ANKMY2: variants seen among roughly 807,000 people sequenced by gnomAD.
ANKMY2 encodes the protein ankyrin repeat and MYND domain containing 2.
ANKMY2 carries 36 observed loss-of-function variants against 50.4 expected under a neutral mutation model. The ratio of observed to expected loss-of-function variants is 0.71; its 90% CI spans 0.55 to 0.94. ANKMY2 has a LOEUF of 0.94. ANKMY2 is among the 40% of genes least tolerant of loss of function. ANKMY2 has a pLI of 0.00. For synonymous variants in ANKMY2, 187 were observed against 178.8 expected, an observed-to-expected ratio of 1.05 and a Z score of -0.36; for missense variants, 565 against 524.0, an observed-to-expected ratio of 1.08 and a Z score of -0.76.
intron 9 of ANKMY2, 103 bp from the exon 10 acceptor site, chr7:16,601,048 A>G (rs1781053081): frequency 3.5e-6 from 3 of 869,388 alleles, no homozygotes; most frequent in African/African-American, 3.5e-5. Flanking sequence ...TACATGAGGT[A>G]TATTAGTATC....
intron 2 of ANKMY2, among the ~76,000 whole-genome samples, chr7:16,628,161 G>T (rs1386089825): frequency 6.6e-6 from 1 of 152,160 alleles, no homozygotes; most frequent in Non-Finnish European, 1.5e-5. Flanking sequence ...TAGGCGAAAC[G>T]CTGTAAGTAC....
chr7:16,645,290 G>GT (rs1270380380), intron 1 of ANKMY2, among the ~76,000 whole-genome samples: 4 of 152,180 alleles, frequency 2.6e-5, no homozygotes, highest in African/African-American at 7.2e-5. Flanking sequence ...CCGAGCCTCT[G>GT]TAACTACCCC....
chr7:16,621,230 C>T (rs1781430827), intron 4 of ANKMY2, among the ~76,000 whole-genome samples: 1 of 152,008 alleles, frequency 6.6e-6, no homozygotes, highest in Non-Finnish European at 1.5e-5. Context: ...ACAGTAACCA[C>T]AAATTACTAA....
chr7:16,640,459 A>G (rs1046705382), intron 1 of ANKMY2, among the ~76,000 whole-genome samples: 3 of 152,240 alleles, frequency 2.0e-5, no homozygotes, highest in Non-Finnish European at 2.9e-5. Context: ...TTCTGTTTTC[A>G]GCAATTCATC....
At chr7:16,636,536 TAAG>T in intron 1 of ANKMY2, 81 bp from the exon 2 acceptor site, 1 of 1,111,008 alleles carries the variant, frequency 9.0e-7, no homozygotes, top group East Asian at 2.6e-5. Context: ...AAATAAACCT[TAAG>T]GAGTTATCTG....
At chr7:16,626,199 C>T (rs780500548) in intron 3 of ANKMY2, among the ~76,000 whole-genome samples, 1 of 151,894 alleles carries the variant, frequency 6.6e-6, no homozygotes, top group African/African-American at 2.4e-5. Flanking sequence ...TAGGATGGTC[C>T]GAACTCCTGG....
At chr7:16,629,837 T>C (rs1426700342) in intron 2 of ANKMY2, among the ~76,000 whole-genome samples, 1 of 152,192 alleles carries the variant, frequency 6.6e-6, no homozygotes, top group Non-Finnish European at 1.5e-5. Flanking sequence ...TGCATTATCT[T>C]GGTTCTAGTA....
At chr7:16,622,861 CAT>C (rs879407416) in intron 4 of ANKMY2, among the ~76,000 whole-genome samples, 57 of 152,138 alleles carry the variant, frequency 3.7e-4, no homozygotes, top group African/African-American at 1.2e-3. Flanking sequence ...AAAGTTCTAA[CAT>C]GTAAAAAATA....
In ANKMY2 at chr7:16,642,162, G is replaced by C. The variant is rs117287516; in HGVS notation, c.67+3345C>G. 1.9e-3 allele frequency among the ~76,000 whole-genome samples: 289 copies of C among 151,222 alleles called. 1 individual carries two copies. Among genetic ancestry groups the C allele is most frequent in the Middle Eastern group, 0.014 (4 of 288 alleles). ...GTATAATACTTTCTTGTTAGCAACA[G>C]TAAGCCCAGGAATTTCAGGTACTAA... On this transcript the variant is annotated intron_variant, in intron 1 of 9. Coordinates refer to ENST00000306999, the MANE Select transcript of ANKMY2 (RefSeq NM_020319.3).
Position 16,607,361 on chromosome 7 carries a change from T to C in ANKMY2, c.882+2269A>G, listed in dbSNP as rs1781177427. Among the ~76,000 whole-genome samples the C allele has an allele frequency of 3.3e-5, 5 of 151,174 alleles. No homozygotes were observed. In the South Asian group the frequency reaches 1.0e-3, roughly 32 times the overall value. On this transcript the variant is annotated intron_variant, in intron 7 of 9. Transcript: ENST00000306999. ...CGGGCAGATCACTTGAGGTCAGGAG[T>C]TCAAGATCAGCCTGGCCAACATGGT...
rs1426216090 is a variant in ANKMY2 at position 16,645,603 on chromosome 7, T to C, written c.-30A>G. 7 of 1,599,038 alleles carry C rather than the reference T, an allele frequency of 4.4e-6. No individual in the cohort carries two copies. In the African/African-American group the frequency reaches 8.1e-5, roughly 19 times the overall value. On this transcript the variant is annotated 5_prime_UTR_variant, in exon 1 of 10. Coordinates refer to ENST00000306999, the MANE Select transcript of ANKMY2 (RefSeq NM_020319.3). ...CCCGCCAGCTTGAAGGTTATTCCCT[T>C]TCTTAGGGAGTATTAAAAAAGAAAC...
intron 7 of ANKMY2, among the ~76,000 whole-genome samples, chr7:16,608,028 C>T (rs1468198751): frequency 1.3e-5 from 2 of 152,088 alleles, no homozygotes; most frequent in African/African-American, 4.8e-5. Flanking sequence ...GGAGGAGGAA[C>T]ATCAAATGCC....
At position 16,600,919 on chromosome 7, in the gene ANKMY2, A is replaced by G; in HGVS notation, c.1168T>C (p.Cys390Arg). 1 of 1,600,962 alleles carries G rather than the reference A, an allele frequency of 6.2e-7. No individual in the cohort carries two copies. The highest frequency in any genetic ancestry group is 8.5e-7 in the Non-Finnish European group (1 of 1,174,282). ...NHGKLDVNSNCVNEEQPEAEV... is the reference protein window; with the variant it reads ...NHGKLDVNSNRVNEEQPEAEV... ...GCCTCTGGTTGCTCTTCATTAACAC[A>G]GTTAGAATTGACATCAAGTTTGCCG... The change falls in exon 10 of 10, where the codon TGT (cysteine) becomes CGT (arginine). Residue 390 changes from cysteine (C) to arginine (R), a missense_variant. Cys to Arg is a radical substitution (Grantham distance 180). Transcript: ENST00000306999.
At chr7:16,610,786 C>T in intron 5 of ANKMY2, 23 bp from the exon 6 acceptor site, 1 of 1,605,662 alleles carries the variant, frequency 6.2e-7, no homozygotes, top group Non-Finnish European at 8.5e-7. Context: ...CCAGTGTACT[C>T]AGGTATTAAA....
intron 4 of ANKMY2, among the ~76,000 whole-genome samples, chr7:16,618,363 C>A (rs1455765885): frequency 6.6e-6 from 1 of 151,826 alleles, no homozygotes; most frequent in Non-Finnish European, 1.5e-5. Flanking sequence ...AATCATTATA[C>A]AACAGATGAA....
intron 8 of ANKMY2, among the ~76,000 whole-genome samples, chr7:16,603,265 G>A (rs186961428): frequency 7.6e-4 from 115 of 152,292 alleles, no homozygotes; most frequent in African/African-American, 2.7e-3. Context: ...TATGGAAGAA[G>A]GGAGAGAGGC....
intron 1 of ANKMY2, chr7:16,644,572 T>C (rs141720161): frequency 5.2e-4 from 202 of 386,150 alleles, no homozygotes; most frequent in African/African-American, 3.7e-3. Flanking sequence ...AGGACAAACA[T>C]GGCTATATTA....
chr7:16,624,129 C>T (rs900553411), intron 4 of ANKMY2, among the ~76,000 whole-genome samples: 3 of 152,124 alleles, frequency 2.0e-5, no homozygotes, highest in African/African-American at 7.2e-5. Flanking sequence ...AAAGTATGAA[C>T]AGCCTGTCTT....
At chr7:16,621,403 A>G (rs1340415311) in intron 4 of ANKMY2, among the ~76,000 whole-genome samples, 1 of 152,232 alleles carries the variant, frequency 6.6e-6, no homozygotes, top group East Asian at 1.9e-4. Context: ...AAATAATTAT[A>G]TAATCATTTA....
Sources: gnomAD v4.1 joint callset for allele counts (sites outside exome capture counted in the v4.1 genomes callset) on GRCh38, gnomAD v4.1.1 for gene constraint, MANE v1.5 for transcripts, NCBI Gene and HGNC (gene_info 2026-07-23, HGNC 2026-07-21) for gene names.